Variants in CFAP221 observed in about 807,000 individuals in gnomAD.
CFAP221 encodes cilia and flagella associated protein 221.
In CFAP221, 97 loss-of-function variants were observed where a neutral mutation model predicts 113.1. The ratio of observed to expected loss-of-function variants is 0.86; its 90% confidence interval spans 0.73 to 1.02. The LOEUF (loss-of-function observed/expected upper bound fraction) is 1.02, where lower values mean the gene tolerates loss of function less well. Ranked by LOEUF, CFAP221 falls within the 50% of genes least tolerant of loss-of-function variation. The pLI is 0.00. For missense variants in CFAP221, 1,025 were observed against 1,013.4 expected (o/e 1.01, Z -0.16); for synonymous variants, 331 against 354.4 (o/e 0.93, Z 0.74).
intron 3 of CFAP221, 100 bp from the exon 4 acceptor site, chr2:119,559,589 C>A: frequency 2.1e-6 from 2 of 950,350 alleles, no homozygotes; most frequent in Non-Finnish European, 3.2e-6. Context: ...TATAGGATAT[C>A]TCCTCAAATT....
chr2:119,576,342 C>G (rs1175536234), intron 6 of CFAP221, among the ~76,000 whole-genome samples: 2 of 152,246 alleles, frequency 1.3e-5, no homozygotes, highest in African/African-American at 2.4e-5. Context: ...TTTCCTGCCC[C>G]TCTCCCTCCT....
intron 14 of CFAP221, among the ~76,000 whole-genome samples, chr2:119,623,428 A>G (rs1190425117): frequency 6.6e-6 from 1 of 152,252 alleles, no homozygotes; most frequent in Non-Finnish European, 1.5e-5. Context: ...TATTGTGAAA[A>G]TGGCCATACT....
At chr2:119,645,018 AG>A (rs1687716904) in intron 21 of CFAP221, among the ~76,000 whole-genome samples, 1 of 2,810 alleles carries the variant, frequency 3.6e-4, no homozygotes, top group South Asian at 0.011. Flanking sequence ...CTCCCACCCA[AG>A]TCTTTGGGTA....
intron 19 of CFAP221, among the ~76,000 whole-genome samples, chr2:119,636,440 G>A (rs1687118397): frequency 6.6e-6 from 1 of 152,218 alleles, no homozygotes; most frequent in Non-Finnish European, 1.5e-5. Flanking sequence ...GGGTATGTGT[G>A]TACCATTTCA....
chr2:119,656,640 T>TA lies in CFAP221; in HGVS notation c.*174dup. The TA allele has an allele frequency of 2.0e-6, 1 of 489,202 alleles. No homozygotes were observed. Among genetic ancestry groups the TA allele is most frequent in the East Asian group, 3.4e-5 (1 of 29,760 alleles). The allele number at this position is 489,202 out of a possible 1,614,324, so 30.3% of individuals were successfully genotyped here. A position where few individuals can be genotyped will look rare whatever the true frequency, so the allele number is the denominator to read the frequency against. ...TAATTATAAATCTTATATTTAAAAA[T>TA]AAAATGGAGTTAGGATGATGACAGC... On this transcript the variant is annotated 3_prime_UTR_variant, in exon 24 of 24. Coordinates refer to ENST00000413369, the MANE Select transcript of CFAP221 (RefSeq NM_001271049.2).
At chr2:119,630,716 TC>T in intron 18 of CFAP221, 39 bp downstream of exon 18, 1 of 1,604,886 alleles carries the variant, frequency 6.2e-7, no homozygotes, top group Non-Finnish European at 8.5e-7. Flanking sequence ...TCTCATCTTT[TC>T]CCTCTTATCC....
chr2:119,656,957 C>T (rs1426562766), downstream of CFAP221, among the ~76,000 whole-genome samples: 1 of 152,074 alleles, frequency 6.6e-6, no homozygotes, highest in Non-Finnish European at 1.5e-5. Context: ...CTGGAGAGGA[C>T]ACTGTGAGGT....
At position 119,656,381 on chromosome 2, in the gene CFAP221, CA is replaced by C; in HGVS notation, c.2436del (p.Gln812HisfsTer14). ...ACTCAGAGAAGTGAAAGATCAAGCA[CA>C]ACCAGCAGAGAAGGCCGGAGAGAAG... ...RKEKEVKDQA[Q>X]PAEKAGEKLL... On this transcript the variant is annotated frameshift_variant, in exon 24 of 24. Coordinates refer to ENST00000413369, the MANE Select transcript of CFAP221 (RefSeq NM_001271049.2). LOFTEE classifies it high-confidence loss of function. 6 of 1,613,978 alleles carry C rather than the reference CA, an allele frequency of 3.7e-6. No homozygotes were observed. Among genetic ancestry groups the C allele is most frequent in the Non-Finnish European group, 5.1e-6 (6 of 1,179,942 alleles).
At chr2:119,552,003 C>T (rs1680466754) in intron 3 of CFAP221, among the ~76,000 whole-genome samples, 1 of 152,086 alleles carries the variant, frequency 6.6e-6, no homozygotes, top group Non-Finnish European at 1.5e-5. Context: ...TTATAATTAG[C>T]TTGCTAAGGG....
rs145023498 is a variant in CFAP221 at position 119,597,080 on chromosome 2, A to G, written c.632-4138A>G. Among the ~76,000 whole-genome samples the G allele has an allele frequency of 1.5e-3, 226 of 152,340 alleles. 1 individual carries two copies. Among genetic ancestry groups the G allele is most frequent in the African/African-American group, 5.1e-3 (214 of 41,580 alleles). On this transcript the variant is annotated intron_variant, in intron 7 of 23. Transcript: ENST00000413369. ...TTTCTGATATTTTAAAGACAATTTA[A>G]TACACAATAAATTGTTTCTTGTTTT...
intron 8 of CFAP221, chr2:119,602,685 GA>G: frequency 1.0e-6 from 1 of 985,350 alleles, no homozygotes; most frequent in East Asian, 1.1e-4. Flanking sequence ...AACCATCATT[GA>G]AATCACTCGG....
chr2:119,548,904 G>A (rs1417786181), intron 2 of CFAP221, among the ~76,000 whole-genome samples, 181 bp from the exon 3 acceptor site: 4 of 152,176 alleles, frequency 2.6e-5, no homozygotes, highest in Non-Finnish European at 4.4e-5. Flanking sequence ...AATAGAGAGG[G>A]AGAAAGAGTT....
intron 6 of CFAP221, among the ~76,000 whole-genome samples, chr2:119,581,421 A>T (rs984238251): frequency 9.8e-5 from 15 of 152,344 alleles, no homozygotes; most frequent in African/African-American, 3.4e-4. Flanking sequence ...AAATATAGTC[A>T]CCGAAAACTT....
In CFAP221 at chr2:119,576,125, C is replaced by G. The variant is rs557895310; in HGVS notation, c.528-10994C>G. Among the ~76,000 whole-genome samples, 85 of 152,284 alleles carry G rather than the reference C, an allele frequency of 5.6e-4. 1 individual carries two copies. The Middle Eastern group carries it at 0.01, about 18-fold the overall frequency. The stretch of plus-strand genomic sequence containing the variant: ...AAACCATCAAGCCCCCTTGACTCTT[C>G]CATTCCACTCACTTTTTTCTTTTAA... On this transcript the variant is annotated intron_variant, in intron 6 of 23. Transcript: ENST00000413369.
intron 23 of CFAP221, among the ~76,000 whole-genome samples, chr2:119,653,102 C>T (rs551450360): frequency 6.6e-5 from 10 of 151,268 alleles, no homozygotes; most frequent in African/African-American, 1.9e-4. Flanking sequence ...ATATAAATAC[C>T]GGGCGTGGTG....
rs904720599 is a variant in CFAP221 at position 119,617,987 on chromosome 2, C to T, written c.1410+2278C>T. Reference sequence around the variant, plus strand: ...TTGTCCTCTCACCATTCAAGCCTTGCATCACATCTCACCTCTGCAGAGGCC... The same window carrying T: ...TTGTCCTCTCACCATTCAAGCCTTGTATCACATCTCACCTCTGCAGAGGCC... On this transcript the variant is annotated intron_variant, in intron 14 of 23. Transcript: ENST00000413369. 6.6e-5 allele frequency among the ~76,000 whole-genome samples: 10 copies of T among 152,334 alleles called. No homozygotes were observed. In the South Asian group the frequency reaches 2.1e-3, roughly 32 times the overall value.
chr2:119,582,445 A>T (rs1682913501), intron 6 of CFAP221, among the ~76,000 whole-genome samples: 1 of 151,678 alleles, frequency 6.6e-6, no homozygotes, highest in Admixed American at 6.6e-5. Context: ...ATTTTCAATA[A>T]GTAAGACATA....
chr2:119,583,512 A>G (rs1399497835), intron 6 of CFAP221, among the ~76,000 whole-genome samples: 1 of 151,768 alleles, frequency 6.6e-6, no homozygotes. Context: ...AAATCTACAG[A>G]TAAACTTTTA....
intron 6 of CFAP221, among the ~76,000 whole-genome samples, chr2:119,568,241 G>T (rs1457301850): frequency 3.3e-5 from 5 of 152,126 alleles, no homozygotes; most frequent in African/African-American, 2.4e-5. Flanking sequence ...TGAACAAACT[G>T]TTAGCTGTTA....
Sources: allele counts gnomAD v4.1 joint callset (sites outside exome capture counted in the v4.1 genomes callset), GRCh38; gene constraint gnomAD v4.1.1; transcripts MANE v1.5; gene names NCBI Gene and HGNC (gene_info 2026-07-23, HGNC 2026-07-21).